VSTM2L: variants seen among roughly 807,000 people sequenced by gnomAD.
The protein encoded by VSTM2L is V-set and transmembrane domain containing 2 like.
A neutral mutation model predicts 19.9 loss-of-function variants in VSTM2L; 9 were observed. The ratio of observed to expected loss-of-function variants is 0.45; its 90% CI spans 0.27 to 0.79. The LOEUF is 0.79. VSTM2L is among the 30% of genes least tolerant of loss of function. VSTM2L has a pLI of 0.15. For synonymous variants in VSTM2L, 127 were observed against 133.8 expected (o/e 0.95, Z 0.35); for missense variants, 286 against 295.5 (o/e 0.97, Z 0.24).
rs1053843995 is a variant in VSTM2L at position 37,903,291 on chromosome 20, G to A, written c.-60G>A. The A allele has an allele frequency of 8.9e-6, 12 of 1,346,328 alleles. No individual in the cohort carries two copies. The highest frequency in any genetic ancestry group is 2.1e-4 in the Middle Eastern group (1 of 4,826). 83.4% of individuals were successfully genotyped at this position (1,346,328 alleles called of 1,614,324 possible). A position where few individuals can be genotyped will look rare whatever the true frequency, so the allele number is the denominator to read the frequency against. On this transcript the variant is annotated 5_prime_UTR_variant, in exon 1 of 4. Coordinates refer to ENST00000373461, the MANE Select transcript of VSTM2L (RefSeq NM_080607.3). ...TCAGGGCAGGGGACAGCTGGCGCCG[G>A]TTCTGCGGTCTCCGGGGCCCAGATG...
intron 3 of VSTM2L, among the ~76,000 whole-genome samples, chr20:37,939,365 C>T (rs1485871111): frequency 6.6e-6 from 1 of 151,902 alleles, no homozygotes; most frequent in African/African-American, 2.4e-5. Flanking sequence ...CTGCAGTGAG[C>T]CATGATCACG....
At chr20:37,940,786 T>C (rs1331243934) in intron 3 of VSTM2L, among the ~76,000 whole-genome samples, 2 of 152,190 alleles carry the variant, frequency 1.3e-5, no homozygotes, top group African/African-American at 4.8e-5. Context: ...GGTGTAAGGC[T>C]AAAGGGAAGC....
intron 1 of VSTM2L, among the ~76,000 whole-genome samples, chr20:37,907,797 T>A (rs1050088711): frequency 1.3e-5 from 2 of 152,134 alleles, no homozygotes; most frequent in African/African-American, 2.4e-5. Context: ...CCTGAGATTC[T>A]CTCTGTTGCC....
At chr20:37,943,950 G>A (rs1253580165) in intron 3 of VSTM2L, 31 bp from the exon 4 acceptor site, 3 of 1,326,230 alleles carry the variant, frequency 2.3e-6, no homozygotes, top group Non-Finnish European at 2.9e-6. Context: ...GTCACTGGAT[G>A]GACAGGTCAC....
chr20:37,927,992 T>C (rs1258911238), intron 1 of VSTM2L, among the ~76,000 whole-genome samples: 1 of 152,170 alleles, frequency 6.6e-6, no homozygotes, highest in African/African-American at 2.4e-5. Flanking sequence ...AGTTCCCTGA[T>C]AGTTCTGCAG....
At chr20:37,941,164 AAAAT>A (rs2072969789) in intron 3 of VSTM2L, among the ~76,000 whole-genome samples, 1 of 152,212 alleles carries the variant, frequency 6.6e-6, no homozygotes, top group African/African-American at 2.4e-5. Context: ...TCACATGGAC[AAAAT>A]AAATATTGTC....
intron 1 of VSTM2L, 145 bp downstream of exon 1, chr20:37,903,616 C>G (rs1299821585): frequency 8.2e-7 from 1 of 1,225,626 alleles, no homozygotes; most frequent in Admixed American, 4.3e-5. Flanking sequence ...GTGGACCCGC[C>G]CTGGCACCCT....
chr20:37,914,364 A>AGGTG (rs2072800256), intron 1 of VSTM2L, among the ~76,000 whole-genome samples: 1 of 1,420 alleles, frequency 7.0e-4, no homozygotes, highest in Non-Finnish European at 1.5e-3. Flanking sequence ...TGGGGTGTTT[A>AGGTG]TATATGTGTG....
intron 1 of VSTM2L, among the ~76,000 whole-genome samples, chr20:37,919,830 C>T (rs2072840629): frequency 6.7e-6 from 1 of 149,656 alleles, no homozygotes; most frequent in South Asian, 2.1e-4. Context: ...TCTAACTTGT[C>T]CCTTGATGCT....
At chr20:37,939,718 G>A (rs2072960769) in intron 3 of VSTM2L, among the ~76,000 whole-genome samples, 1 of 152,174 alleles carries the variant, frequency 6.6e-6, no homozygotes, top group South Asian at 2.1e-4. Context: ...TAGACTGTCA[G>A]CTCGTGCCAG....
At chr20:37,908,557 A>G (rs1354245464) in intron 1 of VSTM2L, among the ~76,000 whole-genome samples, 1 of 152,224 alleles carries the variant, frequency 6.6e-6, no homozygotes, top group Non-Finnish European at 1.5e-5. Context: ...TCATGCCTGT[A>G]ATCCCAGCAC....
chr20:37,930,844 G>A (rs1417166416), intron 1 of VSTM2L, among the ~76,000 whole-genome samples: 2 of 152,172 alleles, frequency 1.3e-5, no homozygotes, highest in East Asian at 1.9e-4. Flanking sequence ...GCTGCTCTGC[G>A]CCCGCAACTG....
At chr20:37,935,609 G>A (rs910470795) in intron 3 of VSTM2L, among the ~76,000 whole-genome samples, 4 of 152,090 alleles carry the variant, frequency 2.6e-5, no homozygotes, top group South Asian at 2.1e-4. Context: ...TTGGGGAAGC[G>A]TCCCTTGAAC....
At chr20:37,922,024 A>G (rs2072854796) in intron 1 of VSTM2L, among the ~76,000 whole-genome samples, 1 of 151,552 alleles carries the variant, frequency 6.6e-6, no homozygotes, top group Non-Finnish European at 1.5e-5. Context: ...GGCTTTAATA[A>G]AATTCTGGTA....
chr20:37,932,741 C>A (rs2072917960), intron 2 of VSTM2L, among the ~76,000 whole-genome samples: 1 of 152,186 alleles, frequency 6.6e-6, no homozygotes, highest in Non-Finnish European at 1.5e-5. Flanking sequence ...ACCTTTGTCT[C>A]AAGGTCAGCT....
chr20:37,918,281 C>T (rs2072831400), intron 1 of VSTM2L, among the ~76,000 whole-genome samples: 1 of 152,148 alleles, frequency 6.6e-6, no homozygotes, highest in Admixed American at 6.5e-5. Flanking sequence ...CCATGGCCAT[C>T]GGAAGCCAGG....
intron 3 of VSTM2L, 45 bp from the exon 4 acceptor site, chr20:37,943,936 C>T (rs760275835): frequency 1.7e-6 from 2 of 1,155,486 alleles, no homozygotes; most frequent in South Asian, 3.4e-5. Context: ...TCTTCTCCCC[C>T]ACTGTCACTG....
chr20:37,933,750 G>A (rs939559708), intron 3 of VSTM2L, among the ~76,000 whole-genome samples, 161 bp downstream of exon 3: 1 of 152,212 alleles, frequency 6.6e-6, no homozygotes, highest in African/African-American at 2.4e-5. Flanking sequence ...TTTAAAAGCC[G>A]GAGATTTTTC....
intron 2 of VSTM2L, among the ~76,000 whole-genome samples, chr20:37,933,050 G>A (rs572503272): frequency 1.3e-3 from 195 of 152,340 alleles, no homozygotes; most frequent in African/African-American, 4.5e-3. Context: ...TAGGCAAATC[G>A]TTGCAGGTAT....
Sources: gnomAD v4.1 joint callset for allele counts (sites outside exome capture counted in the v4.1 genomes callset) on GRCh38, gnomAD v4.1.1 for gene constraint, MANE v1.5 for transcripts, NCBI Gene and HGNC (gene_info 2026-07-23, HGNC 2026-07-21) for gene names.